The following GTF2E1 variants were observed in gnomAD, a reference collection of about 807,000 sequenced individuals.
GTF2E1 encodes the protein TFIIE alpha subunit.
Under a neutral mutation model 34.9 loss-of-function variants are expected in GTF2E1, and 14 were observed. That is an observed-to-expected ratio of 0.40 (90% confidence interval 0.27 to 0.63). The LOEUF (loss-of-function observed/expected upper bound fraction) is 0.63, where lower values mean the gene tolerates loss of function less well. Ranked by LOEUF, GTF2E1 falls within the 20% of genes least tolerant of loss-of-function variation. The pLI is 0.39. For synonymous variants in GTF2E1, 188 were observed against 192.9 expected (o/e 0.97, Z 0.21); for missense variants, 469 against 557.7 (o/e 0.84, Z 1.60).
chr3:120,770,157 G>C (rs564667232), intron 2 of GTF2E1, among the ~76,000 whole-genome samples: 1 of 152,284 alleles, frequency 6.6e-6, no homozygotes, highest in Admixed American at 6.5e-5. Flanking sequence ...TTGGGAATAA[G>C]AACCAAACTG....
At chr3:120,751,260 A>G (rs1227686483) in intron 2 of GTF2E1, among the ~76,000 whole-genome samples, 3 of 152,092 alleles carry the variant, frequency 2.0e-5, no homozygotes, top group Non-Finnish European at 2.9e-5. Flanking sequence ...CTTGTTTACA[A>G]CTGCAGCCTA....
intron 2 of GTF2E1, among the ~76,000 whole-genome samples, chr3:120,758,615 C>T (rs1200736518): frequency 3.3e-5 from 5 of 152,028 alleles, no homozygotes; most frequent in Non-Finnish European, 7.4e-5. Context: ...TGTTCCCTGC[C>T]TTGTGTCCAT....
intron 3 of GTF2E1, among the ~76,000 whole-genome samples, chr3:120,775,559 A>C (rs775792441): frequency 2.6e-5 from 4 of 152,210 alleles, no homozygotes; most frequent in Non-Finnish European, 5.9e-5. Context: ...ACAGATTGAG[A>C]GTGAAACAGG....
intron 2 of GTF2E1, among the ~76,000 whole-genome samples, chr3:120,769,043 C>A (rs886291415): frequency 1.3e-5 from 2 of 152,124 alleles, no homozygotes; most frequent in Middle Eastern, 3.2e-3. Context: ...CTTCTATCTA[C>A]TATATGGCTT....
At chr3:120,774,434 T>G (rs1256125090) in intron 3 of GTF2E1, among the ~76,000 whole-genome samples, 1 of 152,040 alleles carries the variant, frequency 6.6e-6, no homozygotes, top group Non-Finnish European at 1.5e-5. Context: ...GTAAGCAGCA[T>G]CATATTACAG....
chr3:120,755,936 T>C (rs992977443), intron 2 of GTF2E1, among the ~76,000 whole-genome samples: 1 of 152,230 alleles, frequency 6.6e-6, no homozygotes, highest in Non-Finnish European at 1.5e-5. Context: ...TGCAAATGAC[T>C]GAATCTCATT....
Position 120,776,603 on chromosome 3 carries a change from G to A in GTF2E1, c.831G>A (p.Arg277=). Residue 277 remains arginine (R), a synonymous_variant, in exon 4 of 5, where the codon AGG becomes AGA. Transcript: ENST00000283875. ...ASLEGKSAKE[R]PIWLRESTVQ... is the part of the protein sequence containing the mutation. Reference sequence around the variant, plus strand: ...TGGAAGGGAAATCTGCCAAAGAGAGGCCTATTTGGTTGAGAGAAAGCACTG... The same window carrying A: ...TGGAAGGGAAATCTGCCAAAGAGAGACCTATTTGGTTGAGAGAAAGCACTG... 6.2e-7 allele frequency: 1 copy of A among 1,612,156 alleles called. No homozygotes were observed. Among genetic ancestry groups the A allele is most frequent in the Non-Finnish European group, 8.5e-7 (1 of 1,178,266 alleles).
chr3:120,759,413 C>T (rs933775964), intron 2 of GTF2E1, among the ~76,000 whole-genome samples: 1 of 152,084 alleles, frequency 6.6e-6, no homozygotes, highest in Non-Finnish European at 1.5e-5. Flanking sequence ...ATGATAATTT[C>T]TTTTGCTATG....
At chr3:120,747,902 C>T (rs1226949303) in intron 1 of GTF2E1, among the ~76,000 whole-genome samples, 1 of 152,214 alleles carries the variant, frequency 6.6e-6, no homozygotes, top group East Asian at 1.9e-4. Flanking sequence ...CACATCCTCT[C>T]CAGCACCTGT....
intron 1 of GTF2E1, among the ~76,000 whole-genome samples, chr3:120,748,407 C>T (rs999439295): frequency 2.6e-5 from 4 of 152,250 alleles, no homozygotes; most frequent in African/African-American, 7.2e-5. Context: ...GTCTTTAACC[C>T]GTCTTGAATT....
At chr3:120,763,209 G>A (rs935168312) in intron 2 of GTF2E1, among the ~76,000 whole-genome samples, 1 of 152,106 alleles carries the variant, frequency 6.6e-6, no homozygotes, top group African/African-American at 2.4e-5. Flanking sequence ...GCCTAATTTA[G>A]ATAATTTGTT....
At chr3:120,762,218 T>C (rs1479065543) in intron 2 of GTF2E1, among the ~76,000 whole-genome samples, 2 of 152,226 alleles carry the variant, frequency 1.3e-5, no homozygotes, top group Non-Finnish European at 2.9e-5. Flanking sequence ...GATCTGTAGA[T>C]GTCTGTTAGG....
At chr3:120,759,979 G>A (rs573332843) in intron 2 of GTF2E1, among the ~76,000 whole-genome samples, 13 of 152,330 alleles carry the variant, frequency 8.5e-5, no homozygotes, top group Admixed American at 7.2e-4. Flanking sequence ...TGTGAAGAAA[G>A]TCAGTGGTAG....
chr3:120,744,927 C>G (rs80065501), intron 1 of GTF2E1, among the ~76,000 whole-genome samples: 1 of 146,446 alleles, frequency 6.8e-6, no homozygotes, highest in Non-Finnish European at 1.5e-5. Flanking sequence ...CCATTAATCA[C>G]TTTTTTTTTT....
chr3:120,752,872 T>C (rs922587189), intron 2 of GTF2E1, among the ~76,000 whole-genome samples: 4 of 152,202 alleles, frequency 2.6e-5, no homozygotes, highest in Non-Finnish European at 5.9e-5. Context: ...CACTTAATCT[T>C]AATGTCACTC....
At chr3:120,767,864 A>G (rs1055740252) in intron 2 of GTF2E1, among the ~76,000 whole-genome samples, 6 of 152,126 alleles carry the variant, frequency 3.9e-5, no homozygotes, top group African/African-American at 1.4e-4. Flanking sequence ...TTTTTCATGA[A>G]AATAAATTAC....
chr3:120,773,450 T>G (rs1709369119), intron 3 of GTF2E1, among the ~76,000 whole-genome samples: 1 of 152,146 alleles, frequency 6.6e-6, no homozygotes, highest in Non-Finnish European at 1.5e-5. Context: ...ATCAGTTAAA[T>G]TCTAGCTTGT....
rs1366798094 is a variant in GTF2E1 at position 120,750,692 on chromosome 3, A to G, written c.140A>G (p.Asp47Gly). 2.5e-6 allele frequency: 4 copies of G among 1,613,878 alleles called. No homozygotes were observed. Among genetic ancestry groups the G allele is most frequent in the Non-Finnish European group, 3.4e-6 (4 of 1,179,926 alleles). Residue 47 changes from aspartate to glycine, a missense_variant, in exon 2 of 5, where the codon GAT (aspartate) becomes GGT (glycine). Asp to Gly is a moderately conservative substitution (Grantham distance 94). Transcript: ENST00000283875. Reference protein sequence around the residue: ...LIRNSCVKEEDMLELLKFDRK... With the variant: ...LIRNSCVKEEGMLELLKFDRK... ...AGGAACTCCTGTGTGAAAGAGGAGG[A>G]TATGCTGGAGCTGCTCAAGTTTGAT... is the stretch of plus-strand genomic sequence containing the variant.
intron 2 of GTF2E1, among the ~76,000 whole-genome samples, chr3:120,757,237 C>T (rs2107607398): frequency 6.6e-6 from 1 of 152,218 alleles, no homozygotes; most frequent in African/African-American, 2.4e-5. Flanking sequence ...CCTTTTGTCC[C>T]CTTTATCATA....
Sources: allele counts gnomAD v4.1 joint callset (sites outside exome capture counted in the v4.1 genomes callset), GRCh38; gene constraint gnomAD v4.1.1; transcripts MANE v1.5; gene names NCBI Gene and HGNC (gene_info 2026-07-23, HGNC 2026-07-21).